Variants in CACNA1E observed in about 807,000 individuals in gnomAD.
CACNA1E encodes the protein calcium voltage-gated channel subunit alpha1 E.
A neutral mutation model predicts 259.2 loss-of-function variants in CACNA1E; 40 were observed. The ratio of observed to expected loss-of-function variants is 0.15; its 90% CI spans 0.12 to 0.20. The LOEUF is 0.20. Ranked by LOEUF, CACNA1E falls within the 10% of genes least tolerant of loss-of-function variation. The probability of loss-of-function intolerance (pLI) is 1.00; values close to 1 mark genes in which losing one functional copy is unlikely to be tolerated. For synonymous variants in CACNA1E, 1,104 were observed against 1,138.5 expected (o/e 0.97, Z 0.61); for missense variants, 1,874 against 3,040.1 (o/e 0.62, Z 9.02).
intron 3 of CACNA1E, among the ~76,000 whole-genome samples, chr1:181,537,344 C>T (rs1444764606): frequency 6.6e-6 from 1 of 152,088 alleles, no homozygotes; most frequent in Non-Finnish European, 1.5e-5. Flanking sequence ...GGCGATCCAC[C>T]CACCTTGGCC....
intron 3 of CACNA1E, among the ~76,000 whole-genome samples, chr1:181,540,926 G>A (rs1252724369): frequency 6.6e-6 from 1 of 152,176 alleles, no homozygotes; most frequent in Non-Finnish European, 1.5e-5. Flanking sequence ...TCCAAAATCT[G>A]TAACTTCTTG....
chr1:181,392,884 T>C (rs915217906), intron 1 of CACNA1E, among the ~76,000 whole-genome samples: 1 of 152,174 alleles, frequency 6.6e-6, no homozygotes, highest in Non-Finnish European at 1.5e-5. Flanking sequence ...TTGTGTGATA[T>C]TGGCAATTTT....
intron 21 of CACNA1E, among the ~76,000 whole-genome samples, chr1:181,734,241 G>A (rs1441371790): frequency 6.6e-6 from 1 of 151,984 alleles, no homozygotes; most frequent in Non-Finnish European, 1.5e-5. Context: ...GCCTTTCCCT[G>A]TACTAACATT....
chr1:181,755,599 C>T (rs540037366), intron 28 of CACNA1E, among the ~76,000 whole-genome samples: 5 of 152,158 alleles, frequency 3.3e-5, no homozygotes, highest in Non-Finnish European at 7.3e-5. Flanking sequence ...TAAAATATCT[C>T]GTACCATGAC....
rs1297734377 is a variant in CACNA1E, at chr1:181,485,609, G to A, written c.266+1599G>A. ...CGTATCTAGCTAGGGTGGAGGTTTCGGGCGGGGGAGGGGTCGGGTCCCTGC... is the reference window on the plus strand; with the variant it reads ...CGTATCTAGCTAGGGTGGAGGTTTCAGGCGGGGGAGGGGTCGGGTCCCTGC... On this transcript the variant is annotated intron_variant, in intron 1 of 47. Transcript: ENST00000367573. This position sits in a 1 kb window ranked among gnomAD's most constrained non-coding sequence, Gnocchi z 4.2. 6.6e-6 allele frequency among the ~76,000 whole-genome samples: 1 copy of A among 152,204 alleles called. No individual in the cohort carries two copies. Among genetic ancestry groups the A allele is most frequent in the Non-Finnish European group, 1.5e-5 (1 of 68,046 alleles).
At chr1:181,603,539 G>A (rs1006055532) in intron 6 of CACNA1E, among the ~76,000 whole-genome samples, 12 of 152,074 alleles carry the variant, frequency 7.9e-5, no homozygotes, top group Non-Finnish European at 1.6e-4. Flanking sequence ...ATTTCCAAGA[G>A]AGAAAAGCAA....
intron 7 of CACNA1E, among the ~76,000 whole-genome samples, chr1:181,660,087 A>G (rs907393477): frequency 6.6e-6 from 1 of 152,252 alleles, no homozygotes; most frequent in African/African-American, 2.4e-5. Context: ...TGTACAGGGC[A>G]GAAGATGCCA....
chr1:181,384,843 A>C lies in CACNA1E; in HGVS notation c.-14-28290A>C, dbSNP rs557444748. ...AGCATGGCACATGTATACATATGTAACTAACCTGCACATTGTGCACACGTA... is the reference window on the plus strand; with the variant it reads ...AGCATGGCACATGTATACATATGTACCTAACCTGCACATTGTGCACACGTA... On this transcript the variant is annotated intron_variant, in intron 1 of 11. Transcript: ENST00000524607. Among the ~76,000 whole-genome samples the C allele has an allele frequency of 3.3e-5, 5 of 152,302 alleles. No individual in the cohort carries two copies. In the East Asian group the frequency reaches 9.6e-4, roughly 29 times the overall value.
intron 7 of CACNA1E, among the ~76,000 whole-genome samples, chr1:181,687,466 C>T (rs78932195): frequency 0.025 from 3,845 of 152,216 alleles, 162 homozygotes; most frequent in African/African-American, 0.088. Context: ...AGGTGTTACA[C>T]GCACAGCTCA....
chr1:181,523,919 C>T (rs997342837), intron 3 of CACNA1E, among the ~76,000 whole-genome samples: 1 of 152,194 alleles, frequency 6.6e-6, no homozygotes, highest in African/African-American at 2.4e-5. Flanking sequence ...GTGAACAGAA[C>T]AGTCTAATTG....
intron 3 of CACNA1E, among the ~76,000 whole-genome samples, chr1:181,572,488 T>A (rs1330045188): frequency 1.3e-5 from 2 of 152,206 alleles, no homozygotes; most frequent in Non-Finnish European, 2.9e-5. Flanking sequence ...ACATGATACC[T>A]GTGCTGGTGG....
chr1:181,556,641 C>G (rs1648753188), intron 3 of CACNA1E, among the ~76,000 whole-genome samples: 1 of 152,198 alleles, frequency 6.6e-6, no homozygotes, highest in South Asian at 2.1e-4. Flanking sequence ...TATTGAGGAT[C>G]TCCTTCTTAT....
intron 46 of CACNA1E, among the ~76,000 whole-genome samples, chr1:181,795,523 CT>C (rs1661714678): frequency 6.7e-6 from 1 of 149,554 alleles, no homozygotes. Context: ...TCACTGCAAG[CT>C]CTGCCTCCCG....
At chr1:181,338,955 C>T (rs1047068667) in intron 1 of CACNA1E, among the ~76,000 whole-genome samples, 3 of 151,756 alleles carry the variant, frequency 2.0e-5, no homozygotes, top group Non-Finnish European at 2.9e-5. Context: ...GTGGCCTTGT[C>T]AAAAATTAGT....
chr1:181,399,637 C>G (rs1437002026), intron 1 of CACNA1E, among the ~76,000 whole-genome samples: 1 of 152,192 alleles, frequency 6.6e-6, no homozygotes. Context: ...CGAGCTGACT[C>G]CAGCAGGACT....
chr1:181,558,299 A>G (rs1343797994), intron 3 of CACNA1E, among the ~76,000 whole-genome samples: 1 of 152,166 alleles, frequency 6.6e-6, no homozygotes, highest in African/African-American at 2.4e-5. Context: ...ATCATATCCA[A>G]CTTGAAGTTT....
In CACNA1E at chr1:181,680,105, CAAAAAAAAAAAAAAAAAA is replaced by C. The variant is rs56198008; in HGVS notation, c.1055+28676_1055+28693del. Among the ~76,000 whole-genome samples, 76 of 78,504 alleles carry C rather than the reference CAAAAAAAAAAAAAAAAAA, an allele frequency of 9.7e-4. 1 individual carries two copies. Among genetic ancestry groups the C allele is most frequent in the African/African-American group, 3.1e-3 (67 of 21,288 alleles). 51.5% of individuals were successfully genotyped at this position (78,504 alleles called of 152,430 possible). ...TGCATGACAGAGTGAGACCTTGTCT[CAAAAAAAAAAAAAAAAAA>C]AAAAAAAAAAAGAGTCCCCAATCTC... On this transcript the variant is annotated intron_variant, in intron 7 of 47. Coordinates refer to ENST00000367573, the MANE Select transcript of CACNA1E (RefSeq NM_001205293.3).
chr1:181,377,108 G>A (rs1366883362), intron 1 of CACNA1E, among the ~76,000 whole-genome samples: 1 of 152,204 alleles, frequency 6.6e-6, no homozygotes, highest in Non-Finnish European at 1.5e-5. Context: ...ATGACAACAA[G>A]CACTTATAAA....
intron 6 of CACNA1E, among the ~76,000 whole-genome samples, chr1:181,625,166 AC>A (rs1656078555): frequency 6.6e-6 from 1 of 151,460 alleles, no homozygotes; most frequent in African/African-American, 2.4e-5. Flanking sequence ...TTTATAGAGC[AC>A]AAGCAGAGTA....
Sources: gnomAD v4.1 joint callset for allele counts (sites outside exome capture counted in the v4.1 genomes callset) on GRCh38, gnomAD v4.1.1 for gene constraint, Gnocchi (gnomAD v3.1) non-coding constraint, MANE v1.5 for transcripts, NCBI Gene and HGNC (gene_info 2026-07-23, HGNC 2026-07-21) for gene names.